Variants in ACYP2 observed in about 807,000 individuals in gnomAD.
ACYP2 encodes acylphosphatase-2.
ACYP2 carries 12 observed loss-of-function variants against 11.2 expected under a neutral mutation model. The observed-to-expected ratio is 1.08, with a 90% CI of 0.69 to 1.74. The LOEUF is 1.74. Ranked by LOEUF, ACYP2 falls within the 40% of genes most tolerant of loss-of-function variation. ACYP2 has a pLI of 0.00. For missense variants in ACYP2, 134 were observed against 101.9 expected (o/e 1.31, Z -1.35); for synonymous variants, 43 against 32.2 (o/e 1.33, Z -1.13).
chr2:54,128,642 G>A (rs950389556), intron 4 of ACYP2, among the ~76,000 whole-genome samples: 1 of 152,070 alleles, frequency 6.6e-6, no homozygotes, highest in Admixed American at 6.6e-5. Context: ...ACTCCAGCCT[G>A]GGCAACAGAG....
At chr2:54,212,050 G>T (rs1196919754) in intron 6 of ACYP2, among the ~76,000 whole-genome samples, 1 of 152,172 alleles carries the variant, frequency 6.6e-6, no homozygotes, top group Non-Finnish European at 1.5e-5. Context: ...GATGAATGAA[G>T]GGATAAACAA....
intron 6 of ACYP2, among the ~76,000 whole-genome samples, chr2:54,265,363 C>G (rs1687970657): frequency 6.6e-6 from 1 of 152,156 alleles, no homozygotes; most frequent in Admixed American, 6.6e-5. Context: ...GACTTATTCA[C>G]TATCACAAGA....
At chr2:54,048,228 C>T (rs1304658402) in intron 2 of ACYP2, among the ~76,000 whole-genome samples, 1 of 151,988 alleles carries the variant, frequency 6.6e-6, no homozygotes, top group African/African-American at 2.4e-5. Flanking sequence ...GAGTTTGAGA[C>T]AGTCTGGGCA....
chr2:53,995,025 CGTCA>C (rs370145035), intron 2 of ACYP2, among the ~76,000 whole-genome samples: 216 of 152,150 alleles, frequency 1.4e-3, no homozygotes, highest in African/African-American at 5.1e-3. Context: ...TCTGTTTTTG[CGTCA>C]GTGTCTCATG....
At chr2:54,085,645 G>A (rs376447613) in intron 4 of ACYP2, among the ~76,000 whole-genome samples, 1 of 152,102 alleles carries the variant, frequency 6.6e-6, no homozygotes, top group South Asian at 2.1e-4. Context: ...TTGTTTCTCT[G>A]AAAGTTGAAG....
intron 4 of ACYP2, among the ~76,000 whole-genome samples, chr2:54,065,114 A>AATAAATAC (rs1676676360): frequency 7.6e-6 from 1 of 131,276 alleles, no homozygotes; most frequent in African/African-American, 2.6e-5. Flanking sequence ...TAAATAAATA[A>AATAAATAC]ATAAATAAAT....
intron 6 of ACYP2, among the ~76,000 whole-genome samples, chr2:54,220,323 C>G (rs569979976): frequency 1.3e-5 from 2 of 152,200 alleles, no homozygotes; most frequent in African/African-American, 4.8e-5. Context: ...TGATTGAAAA[C>G]ACTTGTGTGC....
chr2:54,061,145 C>T (rs914759320), intron 4 of ACYP2, among the ~76,000 whole-genome samples: 1 of 152,172 alleles, frequency 6.6e-6, no homozygotes, highest in African/African-American at 2.4e-5. Flanking sequence ...CACAAGCCAC[C>T]ATGTCTGGCC....
chr2:54,154,784 T>A (rs1214070175), intron 6 of ACYP2, among the ~76,000 whole-genome samples: 1 of 152,204 alleles, frequency 6.6e-6, no homozygotes, highest in African/African-American at 2.4e-5. Context: ...AATGCTAACC[T>A]CATAAAAAGA....
chr2:54,282,709 A>T (rs1688901877), intron 6 of ACYP2, among the ~76,000 whole-genome samples: 1 of 152,056 alleles, frequency 6.6e-6, no homozygotes, highest in African/African-American at 2.4e-5. Flanking sequence ...ACTAGTGACA[A>T]TTTTTTCTGA....
chr2:54,013,134 C>A (rs1445275625), intron 2 of ACYP2, among the ~76,000 whole-genome samples: 1 of 152,014 alleles, frequency 6.6e-6, no homozygotes, highest in African/African-American at 2.4e-5. Flanking sequence ...TCTCTGAGCT[C>A]CTTTTAAATT....
chr2:54,144,144 A>T (rs928179607), intron 6 of ACYP2, among the ~76,000 whole-genome samples: 1 of 151,846 alleles, frequency 6.6e-6, no homozygotes, highest in Non-Finnish European at 1.5e-5. Flanking sequence ...TAATTTTTAA[A>T]AATTTTTTTG....
chr2:54,192,567 G>C (rs72908740), intron 6 of ACYP2, among the ~76,000 whole-genome samples: 30 of 152,170 alleles, frequency 2.0e-4, no homozygotes, highest in African/African-American at 6.7e-4. Context: ...TGTGTCATTA[G>C]TCAAAAAACT....
intron 4 of ACYP2, among the ~76,000 whole-genome samples, chr2:54,122,375 T>G (rs1322598590): frequency 2.6e-5 from 4 of 152,218 alleles, no homozygotes; most frequent in African/African-American, 9.7e-5. Context: ...GGACTGGACC[T>G]TGACTGAGCA....
At chr2:54,176,322 T>C (rs1465793457) in intron 6 of ACYP2, among the ~76,000 whole-genome samples, 3 of 152,140 alleles carry the variant, frequency 2.0e-5, no homozygotes. Flanking sequence ...CTTGCCAGAA[T>C]GTGAAGACAG....
At chr2:54,003,165 C>T (rs745499611) in intron 2 of ACYP2, among the ~76,000 whole-genome samples, 2 of 152,004 alleles carry the variant, frequency 1.3e-5, no homozygotes, top group Non-Finnish European at 2.9e-5. Context: ...GCAGGCTGGT[C>T]TCGAACCCCT....
At chr2:54,079,131 G>C (rs1449537413) in intron 4 of ACYP2, among the ~76,000 whole-genome samples, 1 of 152,150 alleles carries the variant, frequency 6.6e-6, no homozygotes, top group Non-Finnish European at 1.5e-5. Context: ...GAGGTATCAA[G>C]TTATTGTTTA....
intron 6 of ACYP2, among the ~76,000 whole-genome samples, chr2:54,222,027 G>C (rs1685820006): frequency 6.6e-6 from 1 of 152,180 alleles, no homozygotes; most frequent in Non-Finnish European, 1.5e-5. Context: ...CTGTCAGGCA[G>C]TCAACACATA....
At chr2:54,288,416 C>G (rs1689168995) in intron 6 of ACYP2, among the ~76,000 whole-genome samples, 1 of 151,934 alleles carries the variant, frequency 6.6e-6, no homozygotes. Flanking sequence ...ACCATTTCTT[C>G]AGTGCTTCCT....
Sources: allele counts gnomAD v4.1 joint callset (sites outside exome capture counted in the v4.1 genomes callset), GRCh38; gene constraint gnomAD v4.1.1; transcripts MANE v1.5; gene names NCBI Gene and HGNC (gene_info 2026-07-23, HGNC 2026-07-21).